Variants in PCDHA9 observed in about 807,000 individuals in gnomAD.
PCDHA9 encodes protocadherin alpha 9, also known as protocadherin alpha-9.
Under a neutral mutation model 62.0 loss-of-function variants are expected in PCDHA9, and 62 were observed. That is an observed-to-expected ratio of 1.00 (90% CI 0.81 to 1.23). The LOEUF (loss-of-function observed/expected upper bound fraction) is 1.23. Among genes scored for constraint, PCDHA9 ranks in the 50% most tolerant of loss-of-function variants. PCDHA9 has a pLI of 0.00. For missense variants in PCDHA9, 1,205 were observed against 1,249.8 expected, an observed-to-expected ratio of 0.96 and a Z score of 0.54; for synonymous variants, 557 against 567.6, an observed-to-expected ratio of 0.98 and a Z score of 0.27.
At chr5:140,941,334 T>C (rs1398027134) in intron 1 of PCDHA9, among the ~76,000 whole-genome samples, 2 of 133,354 alleles carry the variant, frequency 1.5e-5, no homozygotes, top group African/African-American at 5.5e-5. Flanking sequence ...TTTTTTTTTT[T>C]CAGATGGAGT....
intron 1 of PCDHA9, among the ~76,000 whole-genome samples, chr5:140,911,641 C>A (rs1403591383): frequency 6.6e-6 from 1 of 152,174 alleles, no homozygotes; most frequent in East Asian, 1.9e-4. Flanking sequence ...AAAGGTATTA[C>A]ATATAGAGTT....
In PCDHA9 at chr5:141,010,279, A is replaced by T. The variant is rs2098416787; in HGVS notation, c.*342A>T. 2.6e-6 allele frequency: 4 copies of T among 1,551,490 alleles called. No homozygotes were observed. The highest frequency in any genetic ancestry group is 3.5e-6 in the Non-Finnish European group (4 of 1,146,936). ...CCTGTGCTCCGGGGATCCTGTCTTG[A>T]TGACACTTGCAGGGCAGGCTGAAAA... On this transcript the variant is annotated 3_prime_UTR_variant, in exon 4 of 4. Coordinates refer to ENST00000532602, the MANE Select transcript of PCDHA9 (RefSeq NM_031857.2).
intron 1 of PCDHA9, among the ~76,000 whole-genome samples, chr5:140,923,387 G>T (rs564592920): frequency 6.6e-6 from 1 of 152,254 alleles, no homozygotes; most frequent in Admixed American, 6.5e-5. Context: ...AATTAGTTGG[G>T]CATGGTGGTG....
chr5:140,907,433 G>A (rs1006736760), intron 1 of PCDHA9, among the ~76,000 whole-genome samples: 5 of 152,246 alleles, frequency 3.3e-5, no homozygotes, highest in Admixed American at 1.3e-4. Context: ...GGCATTCTGT[G>A]AGTCCACAGA....
At chr5:140,995,281 A>G (rs1159938577) in intron 3 of PCDHA9, among the ~76,000 whole-genome samples, 1 of 152,144 alleles carries the variant, frequency 6.6e-6, no homozygotes. Context: ...TGATACCAAA[A>G]CAGCCAGTCG....
chr5:140,862,365 G>C, intron 1 of PCDHA9: 1 of 337,898 alleles, frequency 3.0e-6, no homozygotes, highest in South Asian at 2.4e-5. Flanking sequence ...CAGACGACCC[G>C]CACCCTGACT....
chr5:140,870,708 C>T (rs781841032), intron 1 of PCDHA9: 4 of 1,612,898 alleles, frequency 2.5e-6, no homozygotes, highest in Admixed American at 1.7e-5. Context: ...TCCAGGTGAG[C>T]GCGCGCGATG....
rs1554143112 is a variant in PCDHA9 at position 140,849,624 on chromosome 5, C to G, written c.1129C>G (p.Leu377Val). ...TATTGCCCTGATTAGTGTGATCGAC[C>G]TAGACGCAGATGCCAACGGGCAGGT... is the stretch of plus-strand genomic sequence containing the variant. ...TVIALISVIDLDADANGQVTC... is the reference protein window; with the variant it reads ...TVIALISVIDVDADANGQVTC... The change falls in exon 1 of 4, where the codon CTA (leucine) becomes GTA (valine). Residue 377 changes from leucine (L) to valine (V), a missense_variant. By Grantham distance (32) the Leu-to-Val change is conservative (BLOSUM62 1). Around this residue, in one of 3 missense-constraint regions of PCDHA9, gnomAD observed 887 missense variants for 809.5 expected, o/e 1.10. Transcript: ENST00000532602. 3.1e-6 allele frequency: 5 copies of G among 1,598,656 alleles called. No individual in the cohort carries two copies. The African/African-American group carries it at 6.7e-5, about 21-fold the overall frequency.
chr5:140,930,794 T>G (rs2087114829), intron 1 of PCDHA9, among the ~76,000 whole-genome samples: 1 of 152,200 alleles, frequency 6.6e-6, no homozygotes, highest in Non-Finnish European at 1.5e-5. Context: ...TATAATAGAA[T>G]CCAGCATATA....
At chr5:140,891,722 T>C (rs534881594) in intron 1 of PCDHA9, among the ~76,000 whole-genome samples, 1 of 152,292 alleles carries the variant, frequency 6.6e-6, no homozygotes, top group East Asian at 1.9e-4. Flanking sequence ...CAAATTCATG[T>C]GTTGAAAATT....
intron 1 of PCDHA9, chr5:140,875,972 T>C (rs782102743): frequency 3.1e-6 from 5 of 1,614,068 alleles, no homozygotes; most frequent in Non-Finnish European, 4.2e-6. Flanking sequence ...GTAAACTCTC[T>C]TTTGACCTAT....
intron 1 of PCDHA9, chr5:140,868,989 C>T (rs1280457697): frequency 1.3e-6 from 2 of 1,506,850 alleles, no homozygotes; most frequent in Non-Finnish European, 1.8e-6. Context: ...CGGATGCCAC[C>T]GTTTAAGGAT....
At chr5:140,884,329 G>T (rs782258780) in intron 1 of PCDHA9, 1 of 1,613,760 alleles carries the variant, frequency 6.2e-7, no homozygotes, top group Non-Finnish European at 8.5e-7. Flanking sequence ...CAGGCGCTGT[G>T]GGTCCAGAAG....
chr5:140,873,153 C>T (rs2054129567), intron 1 of PCDHA9, among the ~76,000 whole-genome samples: 1 of 152,224 alleles, frequency 6.6e-6, no homozygotes, highest in East Asian at 1.9e-4. Flanking sequence ...TATTCATAGA[C>T]TTTAGATCGA....
intron 3 of PCDHA9, among the ~76,000 whole-genome samples, chr5:140,991,829 G>A (rs530610195): frequency 3.3e-5 from 5 of 152,196 alleles, no homozygotes; most frequent in South Asian, 2.1e-4. Flanking sequence ...CATTTATAAC[G>A]GCAGAACCGC....
At chr5:140,870,248 G>T in intron 1 of PCDHA9, 1 of 1,614,190 alleles carries the variant, frequency 6.2e-7, no homozygotes, top group South Asian at 1.1e-5. Context: ...GGTGTCAACG[G>T]ACAGGTGACC....
chr5:140,869,484 C>A, intron 1 of PCDHA9: 2 of 1,613,948 alleles, frequency 1.2e-6, no homozygotes, highest in Non-Finnish European at 1.7e-6. Flanking sequence ...AGGACATTAA[C>A]GACAACCCGC....
At chr5:140,989,041 A>G (rs531223216) in intron 3 of PCDHA9, 1 of 152,340 alleles carries the variant, frequency 6.6e-6, no homozygotes, top group Admixed American at 6.5e-5. Flanking sequence ...GATTCCTTTA[A>G]TATGCCAGCT....
chr5:140,862,550 G>A, intron 1 of PCDHA9: 2 of 458,460 alleles, frequency 4.4e-6, no homozygotes, highest in Admixed American at 2.4e-5. Flanking sequence ...GGAAGTGGCC[G>A]AACAGTGAAC....
Sources: gnomAD v4.1 joint callset for allele counts (sites outside exome capture counted in the v4.1 genomes callset) on GRCh38, gnomAD v4.1.1 for gene constraint, gnomAD v4.1.1 regional missense constraint, MANE v1.5 for transcripts, NCBI Gene and HGNC (gene_info 2026-07-23, HGNC 2026-07-21) for gene names.